AMN1: variants seen among roughly 807,000 people sequenced by gnomAD.
AMN1 encodes antagonist of mitotic exit network 1 homolog, also known as protein AMN1 homolog.
In AMN1, 20 loss-of-function variants were observed where a neutral mutation model predicts 33.0. The ratio of observed to expected loss-of-function variants is 0.61; its 90% CI spans 0.43 to 0.88. The LOEUF is 0.88. Among genes scored for constraint, AMN1 ranks in the 40% least tolerant of loss-of-function variants. The pLI, the probability that AMN1 is intolerant of heterozygous loss-of-function variation, is 0.00. For missense variants in AMN1, 246 were observed against 307.4 expected (o/e 0.80, Z 1.49); for synonymous variants, 114 against 111.9 (o/e 1.02, Z -0.12).
chr12:31,704,321 T>G (rs1939128598), intron 2 of AMN1, among the ~76,000 whole-genome samples: 1 of 152,168 alleles, frequency 6.6e-6, no homozygotes, highest in Non-Finnish European at 1.5e-5. Context: ...TCCTTTGATA[T>G]GTTATTGGAG....
At position 31,722,923 on chromosome 12, in the gene AMN1, G is replaced by A. The variant is rs1031354447; in HGVS notation, c.38+6048C>T. Among the ~76,000 whole-genome samples, 5 of 152,280 alleles carry A rather than the reference G, an allele frequency of 3.3e-5. No individual in the cohort carries two copies. In the South Asian group the frequency reaches 6.2e-4, roughly 19 times the overall value. On this transcript the variant is annotated intron_variant, in intron 1 of 6. Coordinates refer to ENST00000281471, the MANE Select transcript of AMN1 (RefSeq NM_001113402.2). ...TGTAATCCCAGAACTTTGGGAGGCTGAGGCAAGCAGATCACCTGAAGTCAG... is the reference window on the plus strand; with the variant it reads ...TGTAATCCCAGAACTTTGGGAGGCTAAGGCAAGCAGATCACCTGAAGTCAG...
intron 5 of AMN1, among the ~76,000 whole-genome samples, chr12:31,697,151 G>A (rs1398922351): frequency 6.6e-6 from 1 of 151,926 alleles, no homozygotes; most frequent in Non-Finnish European, 1.5e-5. Context: ...GCCTTTTATT[G>A]GAAGTAAAAT....
At chr12:31,698,009 A>C in intron 3 of AMN1, 52 bp from the exon 4 acceptor site, 1 of 1,546,404 alleles carries the variant, frequency 6.5e-7, no homozygotes, top group Non-Finnish European at 8.9e-7. Flanking sequence ...GTATATGTAT[A>C]CATGAGAAAT....
At chr12:31,682,963 C>CGT (rs201170423) in intron 6 of AMN1, among the ~76,000 whole-genome samples, 1 of 137,850 alleles carries the variant, frequency 7.3e-6, no homozygotes, top group East Asian at 2.1e-4. Context: ...GTATGCTATT[C>CGT]TTTTTTTTTT....
Position 31,671,149 on chromosome 12 carries a change from AATATTCAGT to A in AMN1, c.*1146_*1154del, listed in dbSNP as rs1951260675. On this transcript the variant is annotated 3_prime_UTR_variant, in exon 7 of 7. Transcript: ENST00000281471. ...GGGGAAAATGTGATTGACTTGGTTA[AATATTCAGT>A]ATTAAATTTTATTGAATTTGTCTTT... The A allele has an allele frequency of 6.6e-6, 1 of 152,230 alleles. No homozygotes were observed. The highest frequency in any genetic ancestry group is 1.5e-5 in the Non-Finnish European group (1 of 68,038). 9.4% of individuals were successfully genotyped at this position (152,230 alleles called of 1,614,324 possible). A position where few individuals can be genotyped will look rare whatever the true frequency, so the allele number is the denominator to read the frequency against.
At chr12:31,688,653 C>CA (rs1398377086) in intron 6 of AMN1, among the ~76,000 whole-genome samples, 6 of 151,530 alleles carry the variant, frequency 4.0e-5, no homozygotes, top group Non-Finnish European at 7.4e-5. Flanking sequence ...GCTAAAAATA[C>CA]AAAAAAAATT....
rs141073276 is a variant in AMN1, at chr12:31,721,681, T to C, written c.38+7290A>G. Among the ~76,000 whole-genome samples the C allele has an allele frequency of 2.6e-5, 4 of 152,322 alleles. No individual in the cohort carries two copies. The East Asian group carries it at 7.7e-4, about 29-fold the overall frequency. ...ACACGTCCTTGGTCAAGGCATATTA[T>C]ATTTTTACTGACTCTTGGGCTGTTG... On this transcript the variant is annotated intron_variant, in intron 1 of 6. Coordinates refer to ENST00000281471, the MANE Select transcript of AMN1 (RefSeq NM_001113402.2).
At chr12:31,703,654 T>C (rs1939102062) in intron 2 of AMN1, among the ~76,000 whole-genome samples, 1 of 152,232 alleles carries the variant, frequency 6.6e-6, no homozygotes, top group African/African-American at 2.4e-5. Context: ...TTCATTTTGA[T>C]GTTTTTTGAG....
intron 6 of AMN1, among the ~76,000 whole-genome samples, chr12:31,677,467 A>G (rs976565496): frequency 3.3e-5 from 5 of 152,168 alleles, no homozygotes; most frequent in Non-Finnish European, 7.3e-5. Flanking sequence ...GGAATTATAG[A>G]TTGTGGTTCA....
At position 31,712,040 on chromosome 12, in the gene AMN1, T is replaced by TC. The variant is rs557226731; in HGVS notation, c.39-2616dup. Reference sequence around the variant, plus strand: ...GCTGCATATGACAGAATTCATTCATTCCCCCCTCCCTCCCTTCCTCCCTCC... The same window carrying TC: ...GCTGCATATGACAGAATTCATTCATTCCCCCCCTCCCTCCCTTCCTCCCTCC... On this transcript the variant is annotated intron_variant, in intron 1 of 6. Transcript: ENST00000281471. Among the ~76,000 whole-genome samples the TC allele has an allele frequency of 7.3e-3, 1,102 of 151,256 alleles. 15 individuals are homozygous for TC. The highest frequency in any genetic ancestry group is 0.025 in the African/African-American group (1,034 of 41,014).
intron 1 of AMN1, among the ~76,000 whole-genome samples, chr12:31,718,715 CCT>C (rs1209914822): frequency 7.2e-5 from 11 of 152,212 alleles, no homozygotes; most frequent in African/African-American, 2.7e-4. Flanking sequence ...CACTCCAGAC[CCT>C]GTTTGCCTGG....
rs766383481 is a variant in AMN1 at position 31,700,679 on chromosome 12, GTTTTAA to G, written c.316+1178_316+1183del. ...GTATCCATGTTTTGTTTTTTTTTTA[GTTTTAA>G]TTTTAATTTTATTTATTTTTTTGAG... On this transcript the variant is annotated intron_variant, in intron 3 of 6. Transcript: ENST00000281471. 7.9e-5 allele frequency among the ~76,000 whole-genome samples: 12 copies of G among 151,060 alleles called. No individual in the cohort carries two copies. In the East Asian group the frequency reaches 1.2e-3, roughly 15 times the overall value.
chr12:31,701,929 A>G lies in AMN1; in HGVS notation c.250T>C (p.Cys84Arg). The G allele has an allele frequency of 1.2e-6, 2 of 1,609,864 alleles. No homozygotes were observed. The highest frequency in any genetic ancestry group is 1.3e-5 in the African/African-American group (1 of 74,856). ...AAATTTAATTTCTTCAGTTTTCTAC[A>G]GTTAGACAGGTGCAGGAGAGCAGCA... ...SDAALLHLSNCRKLKKLNLNA... is the reference protein window; with the variant it reads ...SDAALLHLSNRRKLKKLNLNA... The change falls in exon 3 of 7, where the codon TGT becomes CGT. Residue 84 changes from cysteine to arginine, a missense_variant. Transcript: ENST00000281471.
rs1461365032 is a variant in AMN1, at chr12:31,672,265, T to C, written c.*39A>G. The C allele has an allele frequency of 3.5e-6, 5 of 1,427,138 alleles. No homozygotes were observed. Among genetic ancestry groups the C allele is most frequent in the African/African-American group, 1.4e-5 (1 of 70,734 alleles). The allele number at this position is 1,427,138 out of a possible 1,614,324, so 88.4% of individuals were successfully genotyped here. The stretch of plus-strand genomic sequence containing the variant: ...AGATGGTTTCCTGGGAAAGTAGTTT[T>C]GATAAGCTTTCCTAGCATTGATCAT... On this transcript the variant is annotated 3_prime_UTR_variant, in exon 7 of 7. Coordinates refer to ENST00000281471, the MANE Select transcript of AMN1 (RefSeq NM_001113402.2).
chr12:31,688,174 G>T (rs188768449), intron 6 of AMN1, among the ~76,000 whole-genome samples: 8 of 152,184 alleles, frequency 5.3e-5, no homozygotes, highest in African/African-American at 1.7e-4. Flanking sequence ...GGCTGGTCTC[G>T]AACTCCCAAC....
At chr12:31,678,233 T>C (rs1240566049) in intron 6 of AMN1, among the ~76,000 whole-genome samples, 1 of 152,156 alleles carries the variant, frequency 6.6e-6, no homozygotes, top group African/African-American at 2.4e-5. Context: ...ACCCTTATGA[T>C]GGGTGAGGAA....
chr12:31,697,705 A>ATATCTATATGTGTTTGTAGTTGTG lies in AMN1; in HGVS notation c.534+34_534+35insCACAACTACAAACACATATAGATA, dbSNP rs753292243. 4.2e-5 allele frequency: 66 copies of ATATCTATATGTGTTTGTAGTTGTG among 1,578,626 alleles called. No homozygotes were observed. The Middle Eastern group carries it at 8.3e-4, about 20-fold the overall frequency. On this transcript the variant is annotated intron_variant, in intron 4 of 6. Transcript: ENST00000281471. ...TCATGAAAATACATTTGGTAAACAC[A>ATATCTATATGTGTTTGTAGTTGTG]TAGTCTATATGTTTGTAGCCTATAT...
At chr12:31,698,753 C>G (rs573776000) in intron 3 of AMN1, among the ~76,000 whole-genome samples, 1 of 145,806 alleles carries the variant, frequency 6.9e-6, no homozygotes, top group South Asian at 2.2e-4. Flanking sequence ...TTTTTTTTTT[C>G]TTAAGACCAG....
chr12:31,721,798 A>G (rs1327733502), intron 1 of AMN1, among the ~76,000 whole-genome samples: 3 of 152,232 alleles, frequency 2.0e-5, no homozygotes, highest in Admixed American at 6.5e-5. Context: ...AACAAATCAC[A>G]GCAGAGAATC....
Sources: gnomAD v4.1 joint callset for allele counts (sites outside exome capture counted in the v4.1 genomes callset) on GRCh38, gnomAD v4.1.1 for gene constraint, MANE v1.5 for transcripts, NCBI Gene and HGNC (gene_info 2026-07-23, HGNC 2026-07-21) for gene names.